KDM4C: variants seen among roughly 807,000 people sequenced by gnomAD.
KDM4C encodes lysine-specific demethylase 4C.
In KDM4C, 81 loss-of-function variants were observed where a neutral mutation model predicts 129.3. The ratio of observed to expected loss-of-function variants is 0.63; its 90% CI spans 0.52 to 0.75. The LOEUF (loss-of-function observed/expected upper bound fraction) is 0.75. KDM4C is among the 30% of genes least tolerant of loss of function. The pLI is 0.00. For synonymous variants in KDM4C, 573 were observed against 456.1 expected (o/e 1.26, Z -3.26); for missense variants, 1,457 against 1,304.0 (o/e 1.12, Z -1.81).
chr9:6,795,659 C>T (rs868549728), intron 2 of KDM4C, among the ~76,000 whole-genome samples: 1 of 151,872 alleles, frequency 6.6e-6, no homozygotes, highest in Non-Finnish European at 1.5e-5. Context: ...TCATGCCCTT[C>T]CTAGAAAATT....
In KDM4C at chr9:6,814,756, A is replaced by G. The variant is rs767368428; in HGVS notation, c.435+11A>G. The G allele has an allele frequency of 5.6e-5, 83 of 1,480,356 alleles. No homozygotes were observed. The highest frequency in any genetic ancestry group is 6.5e-5 in the Non-Finnish European group (69 of 1,063,706). The allele number at this position is 1,480,356 out of a possible 1,614,324, so 91.7% of individuals were successfully genotyped here. A position where few individuals can be genotyped will look rare whatever the true frequency, so the allele number is the denominator to read the frequency against. On this transcript the variant is annotated intron_variant, in intron 4 of 21. Coordinates refer to ENST00000381309, the MANE Select transcript of KDM4C (RefSeq NM_015061.6). ...AGCATATATGATGAGGTACATTCAT[A>G]TTTACAGTGAGTTTTGTAAAGATCA... is the stretch of plus-strand genomic sequence containing the variant.
intron 8 of KDM4C, among the ~76,000 whole-genome samples, chr9:6,929,540 T>C (rs1426130352): frequency 6.8e-6 from 1 of 148,142 alleles, no homozygotes; most frequent in African/African-American, 2.5e-5. Flanking sequence ...TAAAATAAGG[T>C]AGAAATTGTG....
chr9:7,000,534 A>T (rs1183329114), intron 12 of KDM4C, among the ~76,000 whole-genome samples: 1 of 152,188 alleles, frequency 6.6e-6, no homozygotes, highest in Non-Finnish European at 1.5e-5. Flanking sequence ...TAACCTTGTT[A>T]CTCTTAAAGT....
intron 8 of KDM4C, among the ~76,000 whole-genome samples, chr9:6,896,486 TATAA>T (rs1005730417): frequency 6.6e-6 from 1 of 151,074 alleles, no homozygotes; most frequent in African/African-American, 2.4e-5. Flanking sequence ...TATATATATA[TATAA>T]AAATATAATT....
rs189076504 is a variant in KDM4C at position 6,826,545 on chromosome 9, G to T, written c.435+11800G>T. On this transcript the variant is annotated intron_variant, in intron 4 of 21. Transcript: ENST00000381309. Reference sequence around the variant, plus strand: ...TTGTGAATGCTTTCCCATGATGATAGATGTTCTTCAACAAGATGATTGAAA... The same window carrying T: ...TTGTGAATGCTTTCCCATGATGATATATGTTCTTCAACAAGATGATTGAAA... Among the ~76,000 whole-genome samples the T allele has an allele frequency of 7.2e-5, 11 of 152,206 alleles. No individual in the cohort carries two copies. In the East Asian group the frequency reaches 2.1e-3, roughly 29 times the overall value.
chr9:6,912,531 A>T (rs1482003534), intron 8 of KDM4C, among the ~76,000 whole-genome samples: 4 of 152,222 alleles, frequency 2.6e-5, no homozygotes, highest in Non-Finnish European at 5.9e-5. Flanking sequence ...AACAGAAATG[A>T]TCATTAATGT....
intron 1 of KDM4C, among the ~76,000 whole-genome samples, chr9:6,752,308 GGGCGACAGAGC>G (rs1818097463): frequency 8.4e-6 from 1 of 119,108 alleles, no homozygotes; most frequent in Non-Finnish European, 1.7e-5. Context: ...ACTCCAGCCT[GGGCGACAGAGC>G]GAAACTCCGT....
intron 2 of KDM4C, among the ~76,000 whole-genome samples, chr9:6,804,731 C>T (rs1588389855): frequency 6.7e-6 from 1 of 149,912 alleles, no homozygotes; most frequent in Middle Eastern, 3.5e-3. Context: ...TGCTCCCCAG[C>T]CGAGTAACAG....
intron 1 of KDM4C, among the ~76,000 whole-genome samples, chr9:6,783,893 C>T (rs983715454): frequency 2.6e-5 from 4 of 152,046 alleles, no homozygotes; most frequent in African/African-American, 7.2e-5. Context: ...AAAGAAACCC[C>T]GTTCTCTGTT....
Position 7,013,813 on chromosome 9 carries a change from A to G in KDM4C, c.1994A>G (p.Asp665Gly). The part of the protein sequence containing the change: ...HKPDSSNEEN[D>G]ARWETKLDEV... ...CCAGATAGCAGCAATGAAGAAAATG[A>G]TGCTAGATGGGAGACAAAATTAGAT... The change falls in exon 14 of 22, where the codon GAT (aspartate) becomes GGT (glycine). Residue 665 changes from aspartate to glycine, a missense_variant. Coordinates refer to ENST00000381309, the MANE Select transcript of KDM4C (RefSeq NM_015061.6). 1 of 1,613,902 alleles carries G rather than the reference A, an allele frequency of 6.2e-7. No individual in the cohort carries two copies.
At chr9:6,803,780 C>T (rs1185859035) in intron 2 of KDM4C, among the ~76,000 whole-genome samples, 1 of 151,408 alleles carries the variant, frequency 6.6e-6, no homozygotes, top group Non-Finnish European at 1.5e-5. Context: ...AAAGTTCCAG[C>T]AATAGATCAT....
chr9:7,034,802 A>T (rs990689869), intron 15 of KDM4C, among the ~76,000 whole-genome samples: 6 of 152,202 alleles, frequency 3.9e-5, no homozygotes, highest in African/African-American at 1.4e-4. Flanking sequence ...CAACAGTGAT[A>T]AGAGTTCCTT....
At chr9:6,757,256 C>G (rs574257381), upstream of KDM4C, among the ~76,000 whole-genome samples, 1 of 152,226 alleles carries the variant, frequency 6.6e-6, no homozygotes, top group South Asian at 2.1e-4. Flanking sequence ...CTGTTATCAA[C>G]TCTAGTTTCT....
chr9:6,829,031 C>T (rs1251632988), intron 4 of KDM4C, among the ~76,000 whole-genome samples: 3 of 152,174 alleles, frequency 2.0e-5, no homozygotes, highest in South Asian at 4.1e-4. Flanking sequence ...TGTGGAGAAT[C>T]ACTCTGAGTG....
rs1823548095 is a variant in KDM4C at position 7,015,794 on chromosome 9, C to T, written c.2183-59C>T. 5 of 1,143,038 alleles carry T rather than the reference C, an allele frequency of 4.4e-6. No individual in the cohort carries two copies. The Admixed American group carries it at 8.6e-5, about 20-fold the overall frequency. 70.8% of individuals were successfully genotyped at this position (1,143,038 alleles called of 1,614,324 possible). On this transcript the variant is annotated intron_variant, in intron 14 of 21. Transcript: ENST00000381309. ...TTTTTATTTATTTCAGTACTGAGAT[C>T]TGCAATATTTTAAAGGTGAAAAAGA...
At position 7,147,138 on chromosome 9, in the gene KDM4C, G is replaced by A. The variant is rs73398945; in HGVS notation, c.2782-18100G>A. Reference sequence around the variant, plus strand: ...ATTAATGAGAAAACCAGGACATAAGGTTTATTAATGAGAAAACCAGGACAT... The same window carrying A: ...ATTAATGAGAAAACCAGGACATAAGATTTATTAATGAGAAAACCAGGACAT... On this transcript the variant is annotated intron_variant, in intron 19 of 21. Transcript: ENST00000381309. Among the ~76,000 whole-genome samples, 1,115 of 152,316 alleles carry A rather than the reference G, an allele frequency of 7.3e-3. 8 individuals carry two copies. The highest frequency in any genetic ancestry group is 0.025 in the African/African-American group (1,056 of 41,558).
intron 15 of KDM4C, among the ~76,000 whole-genome samples, chr9:7,029,522 A>G (rs1307283532): frequency 2.6e-5 from 4 of 151,890 alleles, no homozygotes; most frequent in Non-Finnish European, 5.9e-5. Context: ...GTAATAGGAG[A>G]ATTTTTTGTG....
intron 1 of KDM4C, among the ~76,000 whole-genome samples, chr9:6,750,222 C>T (rs923625319): frequency 6.6e-6 from 1 of 151,478 alleles, no homozygotes. Context: ...GGGCGGATCA[C>T]GAAGTCAGGA....
intron 8 of KDM4C, among the ~76,000 whole-genome samples, chr9:6,964,040 CTAT>C (rs144870425): frequency 0.26 from 39,751 of 151,864 alleles, 6,376 homozygotes; most frequent in South Asian, 0.43. Flanking sequence ...TAATATTTTA[CTAT>C]TATTATTATT....
Sources: gnomAD v4.1 joint callset for allele counts (sites outside exome capture counted in the v4.1 genomes callset) on GRCh38, gnomAD v4.1.1 for gene constraint, MANE v1.5 for transcripts, NCBI Gene and HGNC (gene_info 2026-07-23, HGNC 2026-07-21) for gene names.